ZNF670: variants seen among roughly 807,000 people sequenced by gnomAD.
The protein encoded by ZNF670 is zinc finger protein 670.
ZNF670 carries 7 observed loss-of-function variants against 10.9 expected under a neutral mutation model. The ratio of observed to expected loss-of-function variants is 0.64; its 90% CI spans 0.36 to 1.20. The LOEUF is 1.20. Ranked by LOEUF, ZNF670 falls within the 50% of genes most tolerant of loss-of-function variation. The probability of loss-of-function intolerance (pLI) is 0.02; values close to 1 mark genes in which losing one functional copy is unlikely to be tolerated. For synonymous variants in ZNF670, 136 were observed against 152.7 expected, an observed-to-expected ratio of 0.89 and a Z score of 0.81; for missense variants, 446 against 458.6, an observed-to-expected ratio of 0.97 and a Z score of 0.25.
chr1:247,076,402 GCC>G (rs2103075515), intron 1 of ZNF670, among the ~76,000 whole-genome samples: 1 of 147,626 alleles, frequency 6.8e-6, no homozygotes, highest in East Asian at 2.1e-4. Flanking sequence ...GACTACAGGC[GCC>G]CGCCACCATG....
intron 1 of ZNF670, among the ~76,000 whole-genome samples, chr1:247,072,475 T>C (rs1279082799): frequency 6.6e-6 from 1 of 151,270 alleles, no homozygotes; most frequent in Non-Finnish European, 1.5e-5. Flanking sequence ...AAACAAAAAT[T>C]AATATATACT....
intron 1 of ZNF670, among the ~76,000 whole-genome samples, chr1:247,056,537 G>T (rs1406134238): frequency 1.3e-5 from 2 of 152,174 alleles, no homozygotes; most frequent in Non-Finnish European, 2.9e-5. Context: ...TAAGAGGGAA[G>T]TTTATAGCTG....
intron 3 of ZNF670, 87 bp downstream of exon 3, chr1:247,038,723 G>T: frequency 2.5e-6 from 3 of 1,205,036 alleles, no homozygotes; most frequent in South Asian, 1.4e-5. Flanking sequence ...ATTTCTAGTG[G>T]TTCTTAGTTG....
chr1:247,054,326 G>T (rs761322721), intron 1 of ZNF670, among the ~76,000 whole-genome samples: 3 of 152,220 alleles, frequency 2.0e-5, no homozygotes, highest in Non-Finnish European at 4.4e-5. Context: ...ATGCCAGCTG[G>T]CATGGCTAAG....
At chr1:247,038,757 GACAT>G in intron 3 of ZNF670, 49 bp downstream of exon 3, 1 of 1,460,858 alleles carries the variant, frequency 6.8e-7, no homozygotes, top group Non-Finnish European at 9.5e-7. Flanking sequence ...AAAAACTTAT[GACAT>G]GCTAAGATTC....
chr1:247,054,107 C>T (rs1191017136), intron 1 of ZNF670, among the ~76,000 whole-genome samples: 2 of 152,220 alleles, frequency 1.3e-5, no homozygotes, highest in African/African-American at 4.8e-5. Context: ...CTAACTTCAG[C>T]AGAGGAAACA....
At chr1:247,044,333 TGG>T (rs1034230322) in intron 1 of ZNF670, among the ~76,000 whole-genome samples, 8 of 151,892 alleles carry the variant, frequency 5.3e-5, no homozygotes, top group Non-Finnish European at 7.4e-5. Context: ...GCGCAGAAAA[TGG>T]AGCACTTACA....
intron 1 of ZNF670, among the ~76,000 whole-genome samples, chr1:247,073,251 CT>C (rs1671179765): frequency 6.6e-6 from 1 of 152,154 alleles, no homozygotes; most frequent in Non-Finnish European, 1.5e-5. Flanking sequence ...GAATAAAATT[CT>C]TAAATACTTA....
intron 1 of ZNF670, chr1:247,042,814 G>A (rs963179534): frequency 1.8e-5 from 9 of 513,994 alleles, no homozygotes; most frequent in East Asian, 1.6e-4. Flanking sequence ...ACCCCACCAC[G>A]CTGTCTGAGC....
chr1:247,048,659 G>A (rs527463913), intron 1 of ZNF670, among the ~76,000 whole-genome samples: 2 of 152,312 alleles, frequency 1.3e-5, no homozygotes, highest in South Asian at 4.2e-4. Flanking sequence ...ATTTGTAAGG[G>A]AAAGAGGTTT....
chr1:247,067,832 A>G (rs1671022920), intron 1 of ZNF670, among the ~76,000 whole-genome samples: 2 of 93,518 alleles, frequency 2.1e-5, no homozygotes, highest in African/African-American at 4.3e-5. Context: ...ACAGAGCGAG[A>G]CTCCGTCTCA....
intron 1 of ZNF670, among the ~76,000 whole-genome samples, chr1:247,067,570 C>T (rs1386675286): frequency 2.0e-5 from 3 of 150,430 alleles, no homozygotes; most frequent in African/African-American, 4.9e-5. Context: ...AGGCCGGGCG[C>T]GGTGGCTCAC....
At chr1:247,071,805 G>A (rs1671121064) in intron 1 of ZNF670, among the ~76,000 whole-genome samples, 1 of 151,132 alleles carries the variant, frequency 6.6e-6, no homozygotes, top group African/African-American at 2.4e-5. Flanking sequence ...TATAAATTGG[G>A]TAAAATACCT....
chr1:247,071,708 AC>A (rs1193731769), intron 1 of ZNF670, among the ~76,000 whole-genome samples: 7 of 151,980 alleles, frequency 4.6e-5, no homozygotes, highest in African/African-American at 1.7e-4. Flanking sequence ...GTAATATGAA[AC>A]CTTTTATACC....
At chr1:247,067,016 C>T (rs1670995653) in intron 1 of ZNF670, among the ~76,000 whole-genome samples, 1 of 152,216 alleles carries the variant, frequency 6.6e-6, no homozygotes, top group African/African-American at 2.4e-5. Flanking sequence ...ATTATTATGT[C>T]TCCCTAAAAC....
chr1:247,065,937 T>C (rs1316003977), intron 1 of ZNF670, among the ~76,000 whole-genome samples: 1 of 152,174 alleles, frequency 6.6e-6, no homozygotes. Context: ...TGAAGCATTG[T>C]CACTTGGGAC....
rs1670150959 is a variant in ZNF670, at chr1:247,036,400, C to T, written c.*1049G>A. The stretch of plus-strand genomic sequence containing the variant: ...AGGTGTGGTAGCTCATGTCAGTAAC[C>T]CCAACATGTAGACAGGCTGAGGCAG... On this transcript the variant is annotated 3_prime_UTR_variant, in exon 4 of 4. Coordinates refer to ENST00000366503, the MANE Select transcript of ZNF670 (RefSeq NM_033213.5). Among the ~76,000 whole-genome samples the T allele has an allele frequency of 6.6e-6, 1 of 152,074 alleles. No individual in the cohort carries two copies. The highest frequency in any genetic ancestry group is 1.5e-5 in the Non-Finnish European group (1 of 68,022).
At chr1:247,076,946 C>T (rs1671268644) in intron 1 of ZNF670, among the ~76,000 whole-genome samples, 3 of 152,244 alleles carry the variant, frequency 2.0e-5, no homozygotes, top group Non-Finnish European at 4.4e-5. Context: ...CAGGCGTGGG[C>T]CACCACGCCC....
chr1:247,037,524 A>G lies in ZNF670; in HGVS notation c.1095T>C (p.Tyr365=). The G allele has an allele frequency of 1.2e-6, 2 of 1,614,100 alleles. No homozygotes were observed. Among genetic ancestry groups the G allele is most frequent in the Non-Finnish European group, 1.7e-6 (2 of 1,179,970 alleles). Residue 365 remains tyrosine, a synonymous_variant, in exon 4 of 4, where the codon TAT becomes TAC. Transcript: ENST00000366503. ...HERTHTGEKP[Y]ECKKCGKAFS... ...AGGCTTTACCACATTTCTTACATTC[A>G]TAGGGTTTTTCTCCAGTATGAGTCC...
Sources: gnomAD v4.1 joint callset for allele counts (sites outside exome capture counted in the v4.1 genomes callset) on GRCh38, gnomAD v4.1.1 for gene constraint, MANE v1.5 for transcripts, NCBI Gene and HGNC (gene_info 2026-07-23, HGNC 2026-07-21) for gene names.